Variants in SNRPD1 observed in about 807,000 individuals in gnomAD.
SNRPD1 encodes small nuclear ribonucleoprotein Sm D1.
A neutral mutation model predicts 14.4 loss-of-function variants in SNRPD1; 1 was observed. That is an observed-to-expected ratio of 0.07 (90% CI 0.02 to 0.33). The LOEUF (loss-of-function observed/expected upper bound fraction) is 0.33. Ranked by LOEUF, SNRPD1 falls within the 10% of genes least tolerant of loss-of-function variation. SNRPD1 has a pLI of 1.00. For synonymous variants in SNRPD1, 42 were observed against 50.3 expected, an observed-to-expected ratio of 0.83 and a Z score of 0.70; for missense variants, 52 against 146.4, an observed-to-expected ratio of 0.36 and a Z score of 3.33.
intron 3 of SNRPD1, among the ~76,000 whole-genome samples, chr18:21,627,158 A>G (rs1347459338): frequency 6.6e-6 from 1 of 151,988 alleles, no homozygotes; most frequent in East Asian, 1.9e-4. Context: ...AGTCCCAGCT[A>G]CTCGGGAGGC....
At chr18:21,619,425 G>A (rs1160559325) in intron 1 of SNRPD1, among the ~76,000 whole-genome samples, 1 of 151,586 alleles carries the variant, frequency 6.6e-6, no homozygotes, top group African/African-American at 2.4e-5. Flanking sequence ...CAGGTGATCC[G>A]CCTGCCTCGC....
Position 21,622,807 on chromosome 18 carries a change from G to A in SNRPD1, c.91+6G>A. On this transcript the variant is annotated splice_donor_region_variant and intron_variant, in intron 2 of 3. Transcript: ENST00000300413. ...GGTCCATGGAACAATCACAGGTACG[G>A]AGGTTGGACTGCTTTTATAACATTT... is the stretch of plus-strand genomic sequence containing the variant. 1.3e-6 allele frequency: 2 copies of A among 1,484,936 alleles called. No homozygotes were observed. The highest frequency in any genetic ancestry group is 2.8e-5 in the African/African-American group (2 of 72,370). 92.0% of individuals were successfully genotyped at this position (1,484,936 alleles called of 1,614,324 possible).
At chr18:21,615,773 A>T (rs1194488421) in intron 1 of SNRPD1, among the ~76,000 whole-genome samples, 2 of 152,206 alleles carry the variant, frequency 1.3e-5, no homozygotes, top group Admixed American at 6.5e-5. Flanking sequence ...AGTGGAGTTG[A>T]TGGACTGTAA....
chr18:21,618,951 G>C (rs986843861), intron 1 of SNRPD1, among the ~76,000 whole-genome samples: 1 of 152,158 alleles, frequency 6.6e-6, no homozygotes, highest in Non-Finnish European at 1.5e-5. Flanking sequence ...AGTGCGGGAG[G>C]ATAATAGGTT....
intron 1 of SNRPD1, among the ~76,000 whole-genome samples, chr18:21,614,406 C>T (rs1301588452): frequency 6.6e-6 from 1 of 152,078 alleles, no homozygotes; most frequent in Non-Finnish European, 1.5e-5. Flanking sequence ...GACAATTTTC[C>T]AGTAATTTTT....
At chr18:21,622,996 A>G (rs533660132) in intron 2 of SNRPD1, among the ~76,000 whole-genome samples, 195 bp downstream of exon 2, 51 of 150,350 alleles carry the variant, frequency 3.4e-4, no homozygotes, top group Admixed American at 2.7e-4. Flanking sequence ...GCACGATCTC[A>G]GCTCACTGCA....
chr18:21,614,080 C>T (rs2038940484), intron 1 of SNRPD1, among the ~76,000 whole-genome samples: 1 of 151,810 alleles, frequency 6.6e-6, no homozygotes, highest in Admixed American at 6.6e-5. Context: ...CAGGACCTGC[C>T]TGGCCAACGT....
intron 3 of SNRPD1, among the ~76,000 whole-genome samples, chr18:21,627,434 G>GTTTTTTTT (rs71178190): frequency 2.1e-5 from 2 of 97,346 alleles, no homozygotes; most frequent in East Asian, 2.9e-4. Context: ...CTTTTCTTGG[G>GTTTTTTTT]TTTTTTTTTT....
chr18:21,629,117 A>C lies in SNRPD1; in HGVS notation c.339A>C (p.Gly113=). The C allele has an allele frequency of 6.2e-7, 1 of 1,613,154 alleles. No individual in the cohort carries two copies. The highest frequency in any genetic ancestry group is 8.5e-7 in the Non-Finnish European group (1 of 1,179,178). ...GRGRGRGRGR[G]RGGPRR ...GAAGAGGACGTGGCCGTGGCAGAGGAAGAGGGGGTCCTAGGCGATAATGTC... is the reference window on the plus strand; with the variant it reads ...GAAGAGGACGTGGCCGTGGCAGAGGCAGAGGGGGTCCTAGGCGATAATGTC... Residue 113 remains glycine (G), a synonymous_variant, in exon 4 of 4, where the codon GGA becomes GGC. Coordinates refer to ENST00000300413, the MANE Select transcript of SNRPD1 (RefSeq NM_006938.4).
intron 1 of SNRPD1, 66 bp from the exon 2 acceptor site, chr18:21,622,659 C>T: frequency 1.3e-6 from 1 of 781,614 alleles, no homozygotes; most frequent in Non-Finnish European, 2.3e-6. Context: ...GTTGTTTCAC[C>T]CTTTCACCTT....
intron 3 of SNRPD1, among the ~76,000 whole-genome samples, chr18:21,628,020 C>T (rs2039053705): frequency 6.6e-6 from 1 of 152,024 alleles, no homozygotes; most frequent in Non-Finnish European, 1.5e-5. Flanking sequence ...GTGAAATGTC[C>T]CTTAATTAGC....
rs1003119262 is a variant in SNRPD1, at chr18:21,632,915, A to G, written c.*3777A>G. ...ACCCAGGCTGGAGTGCAGTGGTGCA[A>G]TCTCGGCTCACTGCAAACTCTGCCT... On this transcript the variant is annotated 3_prime_UTR_variant, in exon 4 of 4. Coordinates refer to ENST00000300413, the MANE Select transcript of SNRPD1 (RefSeq NM_006938.4). 3 of 150,362 alleles carry G rather than the reference A, an allele frequency of 2.0e-5. No homozygotes were observed. The highest frequency in any genetic ancestry group is 7.4e-5 in the African/African-American group (3 of 40,672). The allele number at this position is 150,362 out of a possible 1,614,324, so 9.3% of individuals were successfully genotyped here.
At position 21,630,926 on chromosome 18, in the gene SNRPD1, ATTT is replaced by A. The variant is rs1297152318; in HGVS notation, c.*1793_*1795del. The stretch of plus-strand genomic sequence containing the variant: ...TGGTATAAATAAATACTAGATATAT[ATTT>A]TTTTAAGTATCTTACCTCATCAAGT... On this transcript the variant is annotated 3_prime_UTR_variant, in exon 4 of 4. Transcript: ENST00000300413. 6.6e-6 allele frequency: 1 copy of A among 150,578 alleles called. No individual in the cohort carries two copies. The highest frequency in any genetic ancestry group is 1.5e-5 in the Non-Finnish European group (1 of 67,758). The allele number at this position is 150,578 out of a possible 1,614,324, so 9.3% of individuals were successfully genotyped here.
At chr18:21,627,401 C>CACCATCAT (rs2039048122) in intron 3 of SNRPD1, among the ~76,000 whole-genome samples, 1 of 151,050 alleles carries the variant, frequency 6.6e-6, no homozygotes, top group East Asian at 1.9e-4. Flanking sequence ...AGGTGTGAGC[C>CACCATCAT]ACCATCATAC....
At chr18:21,625,022 C>G (rs959072307) in intron 3 of SNRPD1, among the ~76,000 whole-genome samples, 1 of 152,004 alleles carries the variant, frequency 6.6e-6, no homozygotes. Flanking sequence ...CATCATAGGC[C>G]TAAACTACAT....
At chr18:21,620,831 C>T (rs1258549564) in intron 1 of SNRPD1, among the ~76,000 whole-genome samples, 1 of 152,022 alleles carries the variant, frequency 6.6e-6, no homozygotes, top group African/African-American at 2.4e-5. Context: ...ATAATGTGAA[C>T]AGGTAATTCA....
intron 3 of SNRPD1, among the ~76,000 whole-genome samples, chr18:21,627,438 T>G (rs2039048630): frequency 2.2e-5 from 3 of 139,016 alleles, no homozygotes; most frequent in Admixed American, 7.2e-5. Flanking sequence ...TCTTGGGTTT[T>G]TTTTTTTTTT....
intron 2 of SNRPD1, 83 bp from the exon 3 acceptor site, chr18:21,623,665 C>A: frequency 1.0e-6 from 1 of 954,988 alleles, no homozygotes; most frequent in Non-Finnish European, 1.6e-6. Context: ...TTTTGTAGTC[C>A]AGTATTTACT....
At position 21,624,856 on chromosome 18, in the gene SNRPD1, A is replaced by G. The variant is rs554062715; in HGVS notation, c.283+917A>G. Among the ~76,000 whole-genome samples the G allele has an allele frequency of 5.9e-5, 9 of 152,204 alleles. No homozygotes were observed. The East Asian group carries it at 1.7e-3, about 29-fold the overall frequency. On this transcript the variant is annotated intron_variant, in intron 3 of 3. Coordinates refer to ENST00000300413, the MANE Select transcript of SNRPD1 (RefSeq NM_006938.4). ...CTTAAGTCCCTTTTCATAAAATGGT[A>G]GTAGTGTTTCAGTGCACATCCTTTT...
Sources: allele counts gnomAD v4.1 joint callset (sites outside exome capture counted in the v4.1 genomes callset), GRCh38; gene constraint gnomAD v4.1.1; transcripts MANE v1.5; gene names NCBI Gene and HGNC (gene_info 2026-07-23, HGNC 2026-07-21).